Variants in PRKAR2A observed in about 807,000 individuals in gnomAD.
The protein encoded by PRKAR2A is protein kinase cAMP-dependent type II regulatory subunit alpha.
PRKAR2A carries 29 observed loss-of-function variants against 51.9 expected under a neutral mutation model. The observed-to-expected ratio is 0.56, with a 90% CI of 0.42 to 0.76. The LOEUF is 0.76. PRKAR2A is among the 30% of genes least tolerant of loss of function. The probability of loss-of-function intolerance (pLI) is 0.00; values close to 1 mark genes in which losing one functional copy is unlikely to be tolerated. For synonymous variants in PRKAR2A, 178 were observed against 186.2 expected (o/e 0.96, Z 0.36); for missense variants, 445 against 512.1 (o/e 0.87, Z 1.26).
intron 1 of PRKAR2A, among the ~76,000 whole-genome samples, chr3:48,812,040 T>C (rs748023550): frequency 9.9e-4 from 150 of 152,010 alleles, no homozygotes; most frequent in Non-Finnish European, 1.7e-3. Context: ...AGTGTGGTGA[T>C]AGCTGTACAA....
At chr3:48,818,768 T>A (rs2082912432) in intron 1 of PRKAR2A, among the ~76,000 whole-genome samples, 2 of 151,990 alleles carry the variant, frequency 1.3e-5, no homozygotes, top group South Asian at 4.2e-4. Flanking sequence ...GAACTTAAAC[T>A]TCTCTGAGCC....
chr3:48,752,916 C>CTTTTTTTT (rs59163654), intron 9 of PRKAR2A, among the ~76,000 whole-genome samples: 18 of 47,546 alleles, frequency 3.8e-4, no homozygotes, highest in Non-Finnish European at 5.6e-4. Flanking sequence ...TTCCCTCCTC[C>CTTTTTTTT]TTTTTTTTTT....
In PRKAR2A at chr3:48,748,927, CCTT is replaced by C. The variant is rs1164072982; in HGVS notation, c.*2655_*2657del. 6.6e-6 allele frequency: 1 copy of C among 152,220 alleles called. No homozygotes were observed. Among genetic ancestry groups the C allele is most frequent in the Non-Finnish European group, 1.5e-5 (1 of 68,040 alleles). 9.4% of individuals were successfully genotyped at this position (152,220 alleles called of 1,614,324 possible). On this transcript the variant is annotated 3_prime_UTR_variant, in exon 11 of 11. Coordinates refer to ENST00000265563, the MANE Select transcript of PRKAR2A (RefSeq NM_004157.4). ...CTACAGAGGGCAGTCTGAAAAGAGT[CCTT>C]CTGCTTTCGCTTCCTGGAGCTTAAG...
chr3:48,810,206 A>C (rs1193467007), intron 1 of PRKAR2A, among the ~76,000 whole-genome samples: 2 of 140,382 alleles, frequency 1.4e-5, no homozygotes, highest in African/African-American at 5.2e-5. Flanking sequence ...AACAAAACTC[A>C]CATGTGGAGA....
intron 10 of PRKAR2A, 46 bp from the exon 11 acceptor site, chr3:48,751,764 T>A (rs2081651772): frequency 6.3e-7 from 1 of 1,580,416 alleles, no homozygotes; most frequent in African/African-American, 1.3e-5. Flanking sequence ...TTCAAGCCAT[T>A]TCCCTCATGC....
chr3:48,753,482 C>T (rs1367644275), intron 9 of PRKAR2A, among the ~76,000 whole-genome samples: 1 of 152,110 alleles, frequency 6.6e-6, no homozygotes, highest in Admixed American at 6.6e-5. Context: ...CGGTTTGACC[C>T]TTCTTCCTTC....
intron 10 of PRKAR2A, 77 bp from the exon 11 acceptor site, chr3:48,751,795 C>G: frequency 6.6e-7 from 1 of 1,516,460 alleles, no homozygotes; most frequent in African/African-American, 1.4e-5. Context: ...CTAAACATAC[C>G]CATTCATGTT....
At chr3:48,829,578 A>G (rs1370842201) in intron 1 of PRKAR2A, among the ~76,000 whole-genome samples, 2 of 36,258 alleles carry the variant, frequency 5.5e-5, no homozygotes, top group African/African-American at 1.8e-4. Context: ...ACATAAATAT[A>G]TATGTGTGTA....
rs1181279896 is a variant in PRKAR2A at position 48,829,863 on chromosome 3, ATATATATATTTTT to A, written c.262+17459_262+17471del. Among the ~76,000 whole-genome samples the A allele has an allele frequency of 1.7e-4, 14 of 82,458 alleles. No individual in the cohort carries two copies. In the East Asian group the frequency reaches 5.3e-3, roughly 31 times the overall value. The allele number at this position is 82,458 out of a possible 152,430, so 54.1% of individuals were successfully genotyped here. ...TGCGTGTGTGTATATATATATATAT[ATATATATATTTTT>A]TTTTTTTTTTTAAGCTTTTTTGTTA... On this transcript the variant is annotated intron_variant, in intron 1 of 10. Coordinates refer to ENST00000265563, the MANE Select transcript of PRKAR2A (RefSeq NM_004157.4).
intron 9 of PRKAR2A, among the ~76,000 whole-genome samples, chr3:48,755,563 A>G (rs2081747414): frequency 6.6e-6 from 1 of 151,004 alleles, no homozygotes; most frequent in South Asian, 2.1e-4. Flanking sequence ...CTTCATGTTC[A>G]TCCCTTCCAA....
intron 9 of PRKAR2A, among the ~76,000 whole-genome samples, chr3:48,755,925 C>G (rs1425914273): frequency 6.6e-6 from 1 of 151,888 alleles, no homozygotes; most frequent in Non-Finnish European, 1.5e-5. Context: ...ACTACAGGCG[C>G]CCGCCACCAT....
At chr3:48,813,942 G>A (rs1431178601) in intron 1 of PRKAR2A, among the ~76,000 whole-genome samples, 1 of 152,016 alleles carries the variant, frequency 6.6e-6, no homozygotes, top group Non-Finnish European at 1.5e-5. Context: ...TGGCCAACAT[G>A]GCGAAACCCC....
intron 6 of PRKAR2A, among the ~76,000 whole-genome samples, chr3:48,772,695 C>G (rs1272158182): frequency 6.6e-6 from 1 of 151,956 alleles, no homozygotes; most frequent in Non-Finnish European, 1.5e-5. Context: ...GGCTGGAGTA[C>G]AGTGGCGCGA....
rs774258543 is a variant in PRKAR2A at position 48,847,641 on chromosome 3, C to T, written c.-45G>A. On this transcript the variant is annotated 5_prime_UTR_variant, in exon 1 of 11. Coordinates refer to ENST00000265563, the MANE Select transcript of PRKAR2A (RefSeq NM_004157.4). The surrounding 1 kb of genome is among the most constrained non-coding windows in gnomAD (Gnocchi z 4.4). ...ATAGACGGGTTGGGCCGCCGGCGGC[C>T]ACTGTCTCCGCGCTCACTCACGCCG... is the stretch of plus-strand genomic sequence containing the variant. 118 of 1,402,694 alleles carry T rather than the reference C, an allele frequency of 8.4e-5. No homozygotes were observed. The highest frequency in any genetic ancestry group is 1.0e-4 in the Non-Finnish European group (113 of 1,084,058). 86.9% of individuals were successfully genotyped at this position (1,402,694 alleles called of 1,614,324 possible).
intron 1 of PRKAR2A, among the ~76,000 whole-genome samples, chr3:48,829,520 AAAAT>A (rs1206391795): frequency 6.7e-6 from 1 of 150,286 alleles, no homozygotes; most frequent in African/African-American, 2.4e-5. Context: ...CTCCATCTCA[AAAAT>A]AAATAAATAA....
chr3:48,818,731 A>G (rs2082911831), intron 1 of PRKAR2A, among the ~76,000 whole-genome samples: 1 of 152,174 alleles, frequency 6.6e-6, no homozygotes, highest in Non-Finnish European at 1.5e-5. Context: ...TGACACAGCA[A>G]GACCCTGTCT....
intron 8 of PRKAR2A, among the ~76,000 whole-genome samples, chr3:48,764,011 C>A (rs2081901553): frequency 6.6e-6 from 1 of 152,024 alleles, no homozygotes; most frequent in African/African-American, 2.4e-5. Context: ...TCCTTGTGTT[C>A]TAGTGGGGCC....
chr3:48,751,314 G>A lies in PRKAR2A; in HGVS notation c.*271C>T, dbSNP rs758092954. On this transcript the variant is annotated 3_prime_UTR_variant, in exon 11 of 11. Transcript: ENST00000265563. The stretch of plus-strand genomic sequence containing the variant: ...ACTTAAATTGTTGGAGAGACATGCC[G>A]TTTTGAACCAAAGATATAAAAACTG... 1.0e-5 allele frequency: 6 copies of A among 595,212 alleles called. No individual in the cohort carries two copies. Among genetic ancestry groups the A allele is most frequent in the Middle Eastern group, 2.6e-4 (1 of 3,850 alleles). 36.9% of individuals were successfully genotyped at this position (595,212 alleles called of 1,614,324 possible). A position where few individuals can be genotyped will look rare whatever the true frequency, so the allele number is the denominator to read the frequency against.
At chr3:48,794,833 A>G (rs1373094975) in intron 2 of PRKAR2A, among the ~76,000 whole-genome samples, 1 of 152,204 alleles carries the variant, frequency 6.6e-6, no homozygotes, top group Non-Finnish European at 1.5e-5. Flanking sequence ...GAGGGAAAAT[A>G]AATATAATAT....
Sources: allele counts gnomAD v4.1 joint callset (sites outside exome capture counted in the v4.1 genomes callset), GRCh38; gene constraint gnomAD v4.1.1; non-coding constraint Gnocchi (gnomAD v3.1); transcripts MANE v1.5; gene names NCBI Gene and HGNC (gene_info 2026-07-23, HGNC 2026-07-21).